EFCAB5: variants seen among roughly 807,000 people sequenced by gnomAD.
EFCAB5 encodes the protein EF-hand calcium-binding domain-containing protein 5.
In EFCAB5, 131 loss-of-function variants were observed where a neutral mutation model predicts 167.9. That is an observed-to-expected ratio of 0.78 (90% CI 0.68 to 0.90). The LOEUF is 0.90. EFCAB5 is among the 40% of genes least tolerant of loss of function. The pLI is 0.00. For synonymous variants in EFCAB5, 574 were observed against 602.8 expected (o/e 0.95, Z 0.70); for missense variants, 1,663 against 1,745.2 (o/e 0.95, Z 0.84).
intron 3 of EFCAB5, among the ~76,000 whole-genome samples, chr17:29,944,255 T>A (rs190144444): frequency 6.6e-6 from 1 of 152,092 alleles, no homozygotes; most frequent in Admixed American, 6.5e-5. Context: ...TTTTATTTTT[T>A]ATTTTTGTAG....
chr17:30,065,157 G>T (rs1006754233), intron 14 of EFCAB5, among the ~76,000 whole-genome samples: 3 of 151,886 alleles, frequency 2.0e-5, no homozygotes, highest in Non-Finnish European at 4.4e-5. Flanking sequence ...GATACACAAA[G>T]GAGAAAGAAA....
rs142164778 is a variant in EFCAB5 at position 30,082,629 on chromosome 17, G to A, written c.3427-262G>A. Among the ~76,000 whole-genome samples the A allele has an allele frequency of 8.7e-3, 1,321 of 152,096 alleles. 14 individuals are homozygous for A. Among genetic ancestry groups the A allele is most frequent in the Admixed American group, 0.031 (475 of 15,272 alleles). ...TGGTCTCAGACTCCTGACCTCAAGTGATCCGCCCTGCCTTGGCCTCCCAAA... is the reference window on the plus strand; with the variant it reads ...TGGTCTCAGACTCCTGACCTCAAGTAATCCGCCCTGCCTTGGCCTCCCAAA... On this transcript the variant is annotated intron_variant, in intron 17 of 22. Coordinates refer to ENST00000394835, the MANE Select transcript of EFCAB5 (RefSeq NM_198529.4).
At chr17:30,107,180 TTTTCAA>T (rs903100087) in intron 22 of EFCAB5, among the ~76,000 whole-genome samples, 1 of 152,214 alleles carries the variant, frequency 6.6e-6, no homozygotes. Context: ...AGTTTAACAG[TTTTCAA>T]TTTAAAAAAC....
At chr17:29,993,455 G>T (rs12150261) in intron 5 of EFCAB5, 134 bp downstream of exon 5, 322,172 of 743,630 alleles carry the variant, frequency 0.43, 76,105 homozygotes, top group East Asian at 0.67. Flanking sequence ...TGACCTGTCT[G>T]GTCCGTGAGT....
Position 29,969,013 on chromosome 17 carries a change from A to C in EFCAB5, c.413A>C (p.Asn138Thr). The C allele has an allele frequency of 1.3e-6, 2 of 1,591,566 alleles. No individual in the cohort carries two copies. Among genetic ancestry groups the C allele is most frequent in the Non-Finnish European group, 1.7e-6 (2 of 1,170,506 alleles). Residue 138 changes from asparagine (N) to threonine (T), a missense_variant, in exon 4 of 23, where the codon AAT (asparagine) becomes ACT (threonine). Asn to Thr is a moderately conservative substitution (Grantham distance 65, BLOSUM62 0). Transcript: ENST00000394835. Reference sequence around the variant, plus strand: ...CAGCAGAAAATAATAGATAAGGAAAATCTGAAGAAGGAACTAGAAAAAAAG... The same window carrying C: ...CAGCAGAAAATAATAGATAAGGAAACTCTGAAGAAGGAACTAGAAAAAAAG... ...AMQQKIIDKE[N>T]LKKELEKKAE...
chr17:30,078,723 G>C (rs1007797896), intron 15 of EFCAB5, among the ~76,000 whole-genome samples: 3 of 152,142 alleles, frequency 2.0e-5, no homozygotes, highest in African/African-American at 7.2e-5. Context: ...GAGAAAGGTA[G>C]AAAAGACAGA....
chr17:29,995,839 A>G (rs920782668), intron 5 of EFCAB5, among the ~76,000 whole-genome samples: 1 of 152,176 alleles, frequency 6.6e-6, no homozygotes, highest in Non-Finnish European at 1.5e-5. Context: ...TGAATTATCC[A>G]TTTGTAAACT....
In EFCAB5 at chr17:30,080,843, G is replaced by A. The variant is rs147629201; in HGVS notation, c.3288G>A (p.Lys1096=). 2.3e-3 allele frequency: 3,639 copies of A among 1,613,784 alleles called. 35 individuals carry two copies. The African/African-American group carries it at 0.025, about 11-fold the overall frequency. Residue 1096 remains lysine, a synonymous_variant, in exon 17 of 23, where the codon AAG becomes AAA. Coordinates refer to ENST00000394835, the MANE Select transcript of EFCAB5 (RefSeq NM_198529.4). ...NIFFWNQSRN[K]HDYNGSFLAL... ...TCTTCTGGAACCAGTCCCGTAATAA[G>A]CATGATTATAATGGTTCATTCCTGG...
chr17:30,055,035 T>C lies in EFCAB5; in HGVS notation c.2195-853T>C, dbSNP rs144156294. 1.9e-3 allele frequency among the ~76,000 whole-genome samples: 284 copies of C among 152,188 alleles called. 1 individual carries two copies. Among genetic ancestry groups the C allele is most frequent in the African/African-American group, 6.4e-3 (267 of 41,524 alleles). On this transcript the variant is annotated intron_variant, in intron 10 of 22. Coordinates refer to ENST00000394835, the MANE Select transcript of EFCAB5 (RefSeq NM_198529.4). ...ATTCTCAGCTGGGCATGGTGGCTCA[T>C]GCCTGTAATCCCAGCACTTTGAGAG...
Position 30,053,530 on chromosome 17 carries a change from C to A in EFCAB5, c.1576C>A (p.Gln526Lys). 1 of 1,613,734 alleles carries A rather than the reference C, an allele frequency of 6.2e-7. No homozygotes were observed. The highest frequency in any genetic ancestry group is 8.5e-7 in the Non-Finnish European group (1 of 1,179,814). Residue 526 changes from glutamine (Q) to lysine (K), a missense_variant, in exon 10 of 23, where the codon CAA (glutamine) becomes AAA (lysine). Coordinates refer to ENST00000394835, the MANE Select transcript of EFCAB5 (RefSeq NM_198529.4). ...ACCACAAAGAATTTCAATTGAAGAA[C>A]AACAACAAGGCAAAAAGCCAACTGC... ...QGPQRISIEE[Q>K]QQGKKPTAEQ... is the part of the protein sequence containing the mutation.
intron 7 of EFCAB5, among the ~76,000 whole-genome samples, chr17:30,008,620 T>C (rs945493262): frequency 1.3e-5 from 2 of 151,960 alleles, no homozygotes; most frequent in African/African-American, 4.8e-5. Context: ...TATTTTAAAA[T>C]TTAAAATTAA....
intron 1 of EFCAB5, among the ~76,000 whole-genome samples, chr17:29,933,233 A>G (rs2067217166): frequency 6.6e-6 from 1 of 152,246 alleles, no homozygotes; most frequent in Non-Finnish European, 1.5e-5. Flanking sequence ...AAGTCTATAT[A>G]CGTACAAAGT....
intron 7 of EFCAB5, among the ~76,000 whole-genome samples, chr17:30,007,693 G>C (rs2068800130): frequency 1.3e-5 from 2 of 152,198 alleles, no homozygotes; most frequent in East Asian, 3.9e-4. Flanking sequence ...CTGAAATCAG[G>C]GTGCATCATT....
intron 22 of EFCAB5, among the ~76,000 whole-genome samples, chr17:30,100,115 G>A (rs1343499240): frequency 6.6e-6 from 1 of 152,042 alleles, no homozygotes; most frequent in Non-Finnish European, 1.5e-5. Context: ...TGCTGATTTA[G>A]GATTCCACTT....
intron 7 of EFCAB5, among the ~76,000 whole-genome samples, chr17:30,029,896 T>C (rs2069433461): frequency 6.6e-6 from 1 of 152,204 alleles, no homozygotes; most frequent in Non-Finnish European, 1.5e-5. Context: ...TTAAATGTGA[T>C]ATTTACCACA....
At chr17:29,984,212 A>G (rs2068234539) in intron 4 of EFCAB5, among the ~76,000 whole-genome samples, 1 of 151,838 alleles carries the variant, frequency 6.6e-6, no homozygotes, top group Admixed American at 6.6e-5. Flanking sequence ...GAGGAATGAA[A>G]ACAGAAATTG....
chr17:29,956,608 C>T (rs2067620927), intron 3 of EFCAB5, among the ~76,000 whole-genome samples: 1 of 152,150 alleles, frequency 6.6e-6, no homozygotes, highest in African/African-American at 2.4e-5. Context: ...ATGGAGAAAC[C>T]TTTAGGCCAA....
chr17:29,975,258 A>G (rs1597607176), intron 4 of EFCAB5, among the ~76,000 whole-genome samples: 1 of 150,238 alleles, frequency 6.7e-6, no homozygotes, highest in Non-Finnish European at 1.5e-5. Flanking sequence ...ACAGACCTAC[A>G]CTAATTTTTT....
At chr17:29,947,878 T>G (rs2067434483) in intron 3 of EFCAB5, among the ~76,000 whole-genome samples, 1 of 152,192 alleles carries the variant, frequency 6.6e-6, no homozygotes, top group Non-Finnish European at 1.5e-5. Flanking sequence ...CAGGCTGGAG[T>G]GCAGTGGCGC....
Sources: gnomAD v4.1 joint callset for allele counts (sites outside exome capture counted in the v4.1 genomes callset) on GRCh38, gnomAD v4.1.1 for gene constraint, MANE v1.5 for transcripts, NCBI Gene and HGNC (gene_info 2026-07-23, HGNC 2026-07-21) for gene names.